ZNF385B: variants seen among roughly 807,000 people sequenced by gnomAD.
The protein encoded by ZNF385B is zinc finger protein 533.
In ZNF385B, 23 loss-of-function variants were observed where a neutral mutation model predicts 39.2. The observed-to-expected ratio is 0.59, with a 90% CI of 0.42 to 0.83. The LOEUF is 0.83. Ranked by LOEUF, ZNF385B falls within the 40% of genes least tolerant of loss-of-function variation. The pLI, the probability that ZNF385B is intolerant of heterozygous loss-of-function variation, is 0.00. For missense variants in ZNF385B, 552 were observed against 598.9 expected (o/e 0.92, Z 0.82); for synonymous variants, 205 against 222.6 (o/e 0.92, Z 0.70).
intron 3 of ZNF385B, among the ~76,000 whole-genome samples, chr2:179,726,535 C>T (rs1259500351): frequency 6.6e-6 from 1 of 151,946 alleles, no homozygotes; most frequent in East Asian, 1.9e-4. Context: ...TGTGATTATA[C>T]ATAAAGCACT....
At chr2:179,784,173 G>C (rs1307813492) in intron 1 of ZNF385B, among the ~76,000 whole-genome samples, 2 of 152,118 alleles carry the variant, frequency 1.3e-5, no homozygotes, top group Non-Finnish European at 2.9e-5. Flanking sequence ...TCTTTTGTGG[G>C]AACATGGATG....
intron 3 of ZNF385B, among the ~76,000 whole-genome samples, chr2:179,737,177 C>T (rs926496813): frequency 1.3e-5 from 2 of 152,120 alleles, no homozygotes; most frequent in African/African-American, 4.8e-5. Flanking sequence ...TGTTGAGTGG[C>T]GGTGTGGGGC....
At chr2:179,552,356 T>A (rs2060628747) in intron 3 of ZNF385B, among the ~76,000 whole-genome samples, 1 of 149,260 alleles carries the variant, frequency 6.7e-6, no homozygotes, top group South Asian at 2.1e-4. Flanking sequence ...CAGAATGAGA[T>A]CAAATCTGTA....
intron 1 of ZNF385B, among the ~76,000 whole-genome samples, chr2:179,832,774 C>A (rs1708050373): frequency 6.6e-6 from 1 of 152,058 alleles, no homozygotes; most frequent in South Asian, 2.1e-4. Context: ...ATAAGATATG[C>A]TTAGAGAAAA....
chr2:179,682,859 G>A (rs761039099), intron 3 of ZNF385B, among the ~76,000 whole-genome samples: 4 of 152,134 alleles, frequency 2.6e-5, no homozygotes, highest in Non-Finnish European at 5.9e-5. Context: ...CACAGCTTGT[G>A]TACTGTAGGT....
intron 1 of ZNF385B, among the ~76,000 whole-genome samples, chr2:179,792,527 C>T (rs909603719): frequency 6.6e-6 from 1 of 151,840 alleles, no homozygotes; most frequent in African/African-American, 2.4e-5. Flanking sequence ...GGTGTACCCA[C>T]CATGCCTGGC....
At chr2:179,830,154 G>A (rs1707904766) in intron 1 of ZNF385B, among the ~76,000 whole-genome samples, 1 of 152,166 alleles carries the variant, frequency 6.6e-6, no homozygotes, top group Non-Finnish European at 1.5e-5. Context: ...AAACAACAAA[G>A]AGATACCACT....
At chr2:179,655,693 T>G (rs1223283727) in intron 3 of ZNF385B, among the ~76,000 whole-genome samples, 1 of 152,066 alleles carries the variant, frequency 6.6e-6, no homozygotes, top group African/African-American at 2.4e-5. Context: ...TTGGACTAAC[T>G]CCATGTGAAT....
At chr2:179,581,542 A>G (rs1686519584) in intron 3 of ZNF385B, among the ~76,000 whole-genome samples, 1 of 152,160 alleles carries the variant, frequency 6.6e-6, no homozygotes, top group South Asian at 2.1e-4. Context: ...TTCCTTTCAC[A>G]CTAATTATCT....
intron 3 of ZNF385B, among the ~76,000 whole-genome samples, chr2:179,667,187 AT>A (rs1031140629): frequency 1.8e-4 from 27 of 152,060 alleles, no homozygotes; most frequent in Admixed American, 9.2e-4. Context: ...ATTTCTGTGG[AT>A]TTTTTTCCCC....
intron 6 of ZNF385B, among the ~76,000 whole-genome samples, chr2:179,466,053 A>G (rs990284081): frequency 6.6e-6 from 1 of 152,194 alleles, no homozygotes; most frequent in Non-Finnish European, 1.5e-5. Context: ...TAAAACAAAT[A>G]TACATAGAAC....
chr2:179,502,803 C>T (rs954041346), intron 5 of ZNF385B, among the ~76,000 whole-genome samples: 2 of 152,156 alleles, frequency 1.3e-5, no homozygotes, highest in Middle Eastern at 3.2e-3. Context: ...CACATTCAAT[C>T]CATCACCAAG....
intron 3 of ZNF385B, among the ~76,000 whole-genome samples, chr2:179,577,497 A>T (rs557476172): frequency 6.6e-6 from 1 of 152,216 alleles, no homozygotes; most frequent in Admixed American, 6.5e-5. Flanking sequence ...TAGTGTCAGC[A>T]TCTACTTTAA....
chr2:179,463,394 T>G (rs945765782), intron 6 of ZNF385B, among the ~76,000 whole-genome samples: 1 of 152,146 alleles, frequency 6.6e-6, no homozygotes, highest in Non-Finnish European at 1.5e-5. Flanking sequence ...GGGGTACATG[T>G]GCAGAACGTG....
intron 3 of ZNF385B, among the ~76,000 whole-genome samples, chr2:179,607,028 C>A (rs941482089): frequency 6.6e-6 from 1 of 151,968 alleles, no homozygotes; most frequent in South Asian, 2.1e-4. Flanking sequence ...CTGGATTTAT[C>A]GATCCAGATT....
intron 3 of ZNF385B, among the ~76,000 whole-genome samples, chr2:179,620,561 A>T (rs905897880): frequency 6.6e-6 from 1 of 152,134 alleles, no homozygotes; most frequent in Non-Finnish European, 1.5e-5. Flanking sequence ...TGAATCTAGT[A>T]TCAGTTCCAT....
intron 3 of ZNF385B, among the ~76,000 whole-genome samples, chr2:179,593,222 G>A (rs1454156417): frequency 6.6e-6 from 1 of 151,986 alleles, no homozygotes; most frequent in African/African-American, 2.4e-5. Context: ...TTCAGAAATT[G>A]TAAATGAAAA....
intron 3 of ZNF385B, among the ~76,000 whole-genome samples, chr2:179,625,656 TAAGGCA>T (rs1184906555): frequency 6.6e-6 from 1 of 152,092 alleles, no homozygotes; most frequent in Non-Finnish European, 1.5e-5. Flanking sequence ...GCCAGATCCC[TAAGGCA>T]AAGTCCCTGA....
intron 1 of ZNF385B, among the ~76,000 whole-genome samples, chr2:179,778,827 A>C (rs902076469): frequency 5.9e-5 from 9 of 152,228 alleles, no homozygotes; most frequent in Non-Finnish European, 1.2e-4. Flanking sequence ...TACCAAAGTG[A>C]ACCACAGTTT....
Sources: gnomAD v4.1 joint callset for allele counts (sites outside exome capture counted in the v4.1 genomes callset) on GRCh38, gnomAD v4.1.1 for gene constraint, MANE v1.5 for transcripts, NCBI Gene and HGNC (gene_info 2026-07-23, HGNC 2026-07-21) for gene names.